Variants in ASB14 observed in about 807,000 individuals in gnomAD.
The protein encoded by ASB14 is ankyrin repeat and SOCS box protein 14.
A neutral mutation model predicts 55.6 loss-of-function variants in ASB14; 63 were observed. The ratio of observed to expected loss-of-function variants is 1.13; its 90% CI spans 0.92 to 1.40. The LOEUF (loss-of-function observed/expected upper bound fraction) is 1.40, where lower values mean the gene tolerates loss of function less well. ASB14 is among the 40% of genes most tolerant of loss of function. The probability of loss-of-function intolerance (pLI) is 0.00; values close to 1 mark genes in which losing one functional copy is unlikely to be tolerated. For synonymous variants in ASB14, 256 were observed against 259.9 expected (o/e 0.98, Z 0.15); for missense variants, 724 against 710.4 (o/e 1.02, Z -0.22).
At position 57,269,491 on chromosome 3, in the gene ASB14, C is replaced by T. The variant is rs187579973; in HGVS notation, c.*150G>A. ...AATGTATCTTAACTGCATAATTTGCCATTTGACTGCAGACAAGTAACTTAG... is the reference window on the plus strand; with the variant it reads ...AATGTATCTTAACTGCATAATTTGCTATTTGACTGCAGACAAGTAACTTAG... On this transcript the variant is annotated 3_prime_UTR_variant, in exon 11 of 11. Coordinates refer to ENST00000487349, the MANE Select transcript of ASB14 (RefSeq NM_001142733.3). 9.7e-5 allele frequency: 155 copies of T among 1,600,428 alleles called. 3 individuals carry two copies. The Admixed American group carries it at 2.5e-3, about 26-fold the overall frequency.
intron 2 of ASB14, among the ~76,000 whole-genome samples, chr3:57,291,626 C>A (rs1281064715): frequency 6.6e-6 from 1 of 150,636 alleles, no homozygotes; most frequent in Non-Finnish European, 1.5e-5. Context: ...ATTAGTTTTT[C>A]TCTAGCCCTT....
Position 57,278,447 on chromosome 3 carries a change from G to A in ASB14, c.1361C>T (p.Pro454Leu), listed in dbSNP as rs61758718. Residue 454 changes from proline (P) to leucine (L), a missense_variant, in exon 8 of 11, where the codon CCA (proline) becomes CTA (leucine). Physicochemically the swap from Pro to Leu is moderately conservative, Grantham distance 98. Coordinates refer to ENST00000487349, the MANE Select transcript of ASB14 (RefSeq NM_001142733.3). ...GGAAGGATGGACTTTGTCTCCATGT[G>A]GGCAATCAAAACATCGCTCTGTGTC... ...GYDTERCFDC[P>L]HGDKVHPSYT... The A allele has an allele frequency of 1.7e-5, 28 of 1,614,180 alleles. 1 individual carries two copies. Among genetic ancestry groups the A allele is most frequent in the Admixed American group, 3.3e-5 (2 of 60,028 alleles).
chr3:57,284,646 C>A (rs1014718512), intron 5 of ASB14, among the ~76,000 whole-genome samples: 3 of 152,178 alleles, frequency 2.0e-5, no homozygotes, highest in African/African-American at 7.2e-5. Context: ...ACCGTTGTTA[C>A]AACAGGCTTC....
intron 3 of ASB14, 193 bp downstream of exon 3, chr3:57,288,875 C>T (rs993990077): frequency 1.9e-5 from 8 of 425,946 alleles, no homozygotes; most frequent in Admixed American, 4.2e-5. Context: ...CCACCATGCC[C>T]GGCTAATTTT....
At chr3:57,286,244 G>A (rs1479468291) in intron 5 of ASB14, among the ~76,000 whole-genome samples, 1 of 149,530 alleles carries the variant, frequency 6.7e-6, no homozygotes, top group African/African-American at 2.4e-5. Context: ...TCTTTCCACA[G>A]TGACTTGTGA....
chr3:57,271,622 C>T (rs2060940688), intron 10 of ASB14: 1 of 152,182 alleles, frequency 6.6e-6, no homozygotes, highest in Non-Finnish European at 1.5e-5. Flanking sequence ...GGAAGGTGTT[C>T]ATCATTAGGA....
intron 5 of ASB14, 50 bp from the exon 6 acceptor site, chr3:57,283,489 A>C: frequency 2.0e-6 from 3 of 1,508,282 alleles, no homozygotes; most frequent in Admixed American, 2.0e-5. Context: ...GTTAAGCCCA[A>C]AGTAGCATAT....
Position 57,288,708 on chromosome 3 carries a change from CTTTTTT to C in ASB14, c.178+354_178+359del, listed in dbSNP as rs747854434. ...GCCAGCCATCACCATCATATCTTTC[CTTTTTT>C]TTTTTTTTTTTTTTTTGTGAGACGG... On this transcript the variant is annotated intron_variant, in intron 3 of 10. Coordinates refer to ENST00000487349, the MANE Select transcript of ASB14 (RefSeq NM_001142733.3). 7.8e-5 allele frequency among the ~76,000 whole-genome samples: 8 copies of C among 102,378 alleles called. 1 individual carries two copies. The East Asian group carries it at 2.8e-3, about 35-fold the overall frequency. The allele number at this position is 102,378 out of a possible 152,430, so 67.2% of individuals were successfully genotyped here. A position where few individuals can be genotyped will look rare whatever the true frequency, so the allele number is the denominator to read the frequency against.
chr3:57,279,316 C>T (rs1460066922), intron 7 of ASB14, among the ~76,000 whole-genome samples: 1 of 131,674 alleles, frequency 7.6e-6, no homozygotes. Flanking sequence ...CTCTTGTTGC[C>T]CAAGCTGGAG....
chr3:57,275,064 G>A (rs1338521657), intron 10 of ASB14, among the ~76,000 whole-genome samples: 1 of 152,196 alleles, frequency 6.6e-6, no homozygotes, highest in Non-Finnish European at 1.5e-5. Context: ...ATGTACTGGG[G>A]TAAGTATATA....
In ASB14 at chr3:57,276,658, G is replaced by A; in HGVS notation, c.1656C>T (p.Arg552=). ...IRKCMGRLHL[R]CPVFMSFLPL... ...GAAGAAATGACATGAAGACAGGGCA[G>A]CGCAAATGTAACCGTCCCATGCATT... The change falls in exon 10 of 11, where the codon CGC becomes CGT. Residue 552 remains arginine, a synonymous_variant. Transcript: ENST00000487349. The A allele has an allele frequency of 1.2e-6, 2 of 1,614,044 alleles. No homozygotes were observed. Among genetic ancestry groups the A allele is most frequent in the Non-Finnish European group, 1.7e-6 (2 of 1,179,894 alleles).
In ASB14 at chr3:57,277,916, C is replaced by G; in HGVS notation, c.1436G>C (p.Cys479Ser). ...TSTVIKDTKF[C>S]EVITLSWLQH... is the part of the protein sequence containing the mutation. ...CAGCCATGACAAAGTTATTACTTCA[C>G]AGAACTGAGGGAAACAAAATCAGAA... The change falls in exon 9 of 11, where the codon TGT becomes TCT. Residue 479 changes from cysteine to serine, a missense_variant. Physicochemically the swap from Cys to Ser is moderately radical, Grantham distance 112 (BLOSUM62 -1). Transcript: ENST00000487349. 1 of 1,611,484 alleles carries G rather than the reference C, an allele frequency of 6.2e-7. No homozygotes were observed. Among genetic ancestry groups the G allele is most frequent in the Non-Finnish European group, 8.5e-7 (1 of 1,179,084 alleles).
At chr3:57,271,018 AGT>A (rs923549577) in intron 10 of ASB14, 1 of 152,150 alleles carries the variant, frequency 6.6e-6, no homozygotes, top group African/African-American at 2.4e-5. Flanking sequence ...CACATGAAAA[AGT>A]ATATATATAC....
At chr3:57,277,946 G>A (rs1204805819) in intron 8 of ASB14, 26 bp from the exon 9 acceptor site, 6 of 1,591,354 alleles carry the variant, frequency 3.8e-6, no homozygotes, top group Middle Eastern at 1.7e-4. Flanking sequence ...TCAGAATTAG[G>A]AAAGTAAATG....
At position 57,289,139 on chromosome 3, in the gene ASB14, T is replaced by C; in HGVS notation, c.123-16A>G. 1 of 1,502,470 alleles carries C rather than the reference T, an allele frequency of 6.7e-7. No homozygotes were observed. Among genetic ancestry groups the C allele is most frequent in the Non-Finnish European group, 9.0e-7 (1 of 1,115,608 alleles). The allele number at this position is 1,502,470 out of a possible 1,614,324, so 93.1% of individuals were successfully genotyped here. ...GGAATGCAAACTGCAAAGAAAAAAATACATATGTAATTCCAAAACTGAGGA... is the reference window on the plus strand; with the variant it reads ...GGAATGCAAACTGCAAAGAAAAAAACACATATGTAATTCCAAAACTGAGGA... On this transcript the variant is annotated splice_polypyrimidine_tract_variant and intron_variant, in intron 2 of 10. Coordinates refer to ENST00000487349, the MANE Select transcript of ASB14 (RefSeq NM_001142733.3).
rs1408184972 is a variant in ASB14 at position 57,288,986 on chromosome 3, G to A, written c.178+82C>T. ...ACCCACCTTGGCCTCCCAAAGTACTGGGATTACAGGCGTGAGCCACTGCAT... is the reference window on the plus strand; with the variant it reads ...ACCCACCTTGGCCTCCCAAAGTACTAGGATTACAGGCGTGAGCCACTGCAT... On this transcript the variant is annotated intron_variant, in intron 3 of 10. Coordinates refer to ENST00000487349, the MANE Select transcript of ASB14 (RefSeq NM_001142733.3). 3 of 1,119,414 alleles carry A rather than the reference G, an allele frequency of 2.7e-6. No homozygotes were observed. The East Asian group carries it at 8.0e-5, about 30-fold the overall frequency. 69.3% of individuals were successfully genotyped at this position (1,119,414 alleles called of 1,614,324 possible).
rs1397171365 is a variant in ASB14 at position 57,278,510 on chromosome 3, T to C, written c.1298A>G (p.Asp433Gly). The C allele has an allele frequency of 6.2e-7, 1 of 1,614,106 alleles. No homozygotes were observed. The highest frequency in any genetic ancestry group is 1.3e-5 in the African/African-American group (1 of 74,936). Reference sequence around the variant, plus strand: ...CAGCAGCATCCTGAGCATGACTTCATCTTTCAGAGTGTATTGCAGTGCTGA... The same window carrying C: ...CAGCAGCATCCTGAGCATGACTTCACCTTTCAGAGTGTATTGCAGTGCTGA... ...FPSALQYTLK[D>G]EVMLRMLLNY... Residue 433 changes from aspartate to glycine, a missense_variant, in exon 8 of 11, where the codon GAT (aspartate) becomes GGT (glycine). Transcript: ENST00000487349.
At chr3:57,269,824 A>C (rs2060923629) in intron 10 of ASB14, 1 of 1,025,818 alleles carries the variant, frequency 9.7e-7, no homozygotes, top group Non-Finnish European at 1.4e-6. Flanking sequence ...CTACATTTTA[A>C]AAAAAAGATT....
At chr3:57,289,376 A>T (rs1422493647) in intron 2 of ASB14, among the ~76,000 whole-genome samples, 1 of 152,204 alleles carries the variant, frequency 6.6e-6, no homozygotes, top group South Asian at 2.1e-4. Context: ...GGCAAGGACT[A>T]TGTGAGCCTG....
Sources: allele counts gnomAD v4.1 joint callset (sites outside exome capture counted in the v4.1 genomes callset), GRCh38; gene constraint gnomAD v4.1.1; transcripts MANE v1.5; gene names NCBI Gene and HGNC (gene_info 2026-07-23, HGNC 2026-07-21).